The following SCN7A variants were observed in gnomAD, a reference collection of about 807,000 sequenced individuals.
The protein encoded by SCN7A is sodium voltage-gated channel alpha subunit 7, also known as sodium channel protein type 7 subunit alpha.
In SCN7A, 138 loss-of-function variants were observed where a neutral mutation model predicts 155.2. That is an observed-to-expected ratio of 0.89 (90% CI 0.77 to 1.02). SCN7A has a LOEUF of 1.02. Among genes scored for constraint, SCN7A ranks in the 50% least tolerant of loss-of-function variants. SCN7A has a pLI of 0.00. For missense variants in SCN7A, 2,058 were observed against 1,986.6 expected, an observed-to-expected ratio of 1.04 and a Z score of -0.68; for synonymous variants, 693 against 649.0, an observed-to-expected ratio of 1.07 and a Z score of -1.03.
intron 15 of SCN7A, among the ~76,000 whole-genome samples, chr2:166,434,483 C>A (rs1701797585): frequency 6.6e-6 from 1 of 152,072 alleles, no homozygotes; most frequent in Non-Finnish European, 1.5e-5. Flanking sequence ...ACAGAAAGGA[C>A]AATGATCAAA....
chr2:166,432,251 T>C, intron 16 of SCN7A, 67 bp downstream of exon 16: 1 of 1,318,968 alleles, frequency 7.6e-7, no homozygotes, highest in Non-Finnish European at 1.0e-6. Context: ...ACTTCGGCGC[T>C]GATTTACTTC....
intron 23 of SCN7A, 45 bp from the exon 24 acceptor site, chr2:166,410,369 A>C: frequency 4.4e-6 from 6 of 1,357,202 alleles, no homozygotes; most frequent in Non-Finnish European, 6.0e-6. Context: ...ACTTAATCCA[A>C]ATTTTCCCTT....
intron 2 of SCN7A, among the ~76,000 whole-genome samples, chr2:166,482,967 A>C (rs1309450561): frequency 6.6e-6 from 1 of 152,100 alleles, no homozygotes; most frequent in Non-Finnish European, 1.5e-5. Context: ...AAAAATATAG[A>C]AAGATTAATA....
chr2:166,439,474 T>C (rs1020283526), intron 15 of SCN7A, among the ~76,000 whole-genome samples: 1 of 152,088 alleles, frequency 6.6e-6, no homozygotes, highest in Non-Finnish European at 1.5e-5. Context: ...CAGAAGATAC[T>C]AGCTAGCAAA....
intron 11 of SCN7A, among the ~76,000 whole-genome samples, chr2:166,455,446 G>T (rs1056379741): frequency 6.6e-6 from 1 of 152,140 alleles, no homozygotes; most frequent in African/African-American, 2.4e-5. Flanking sequence ...CACAGGAACA[G>T]AAAACTAAAT....
intron 12 of SCN7A, among the ~76,000 whole-genome samples, chr2:166,447,028 C>T (rs1702079254): frequency 1.3e-5 from 2 of 152,136 alleles, no homozygotes; most frequent in East Asian, 1.9e-4. Flanking sequence ...TATCCCAGAA[C>T]TTAAAGTTTA....
intron 7 of SCN7A, among the ~76,000 whole-genome samples, chr2:166,467,370 A>C (rs947302940): frequency 1.3e-5 from 2 of 151,706 alleles, no homozygotes; most frequent in African/African-American, 4.8e-5. Flanking sequence ...AGTCCTTAGT[A>C]TATCTTTATA....
At chr2:166,455,463 T>A (rs1227029240) in intron 11 of SCN7A, among the ~76,000 whole-genome samples, 3 of 152,082 alleles carry the variant, frequency 2.0e-5, no homozygotes, top group Non-Finnish European at 4.4e-5. Flanking sequence ...AAATACTGCA[T>A]GTTCTCAGTT....
chr2:166,448,815 T>G (rs1171751223), intron 11 of SCN7A, among the ~76,000 whole-genome samples: 1 of 152,180 alleles, frequency 6.6e-6, no homozygotes, highest in Non-Finnish European at 1.5e-5. Flanking sequence ...TAACAGAGTA[T>G]TTTTCTAACA....
chr2:166,482,852 C>A (rs896104696), intron 2 of SCN7A, among the ~76,000 whole-genome samples: 1 of 151,704 alleles, frequency 6.6e-6, no homozygotes, highest in Admixed American at 6.6e-5. Flanking sequence ...AATTATTAAT[C>A]ATTAAATCAT....
intron 9 of SCN7A, among the ~76,000 whole-genome samples, chr2:166,463,323 G>A (rs1702454933): frequency 6.6e-6 from 1 of 151,950 alleles, no homozygotes; most frequent in Non-Finnish European, 1.5e-5. Flanking sequence ...CTCTCTCCAC[G>A]CCCTTGTGTA....
chr2:166,458,683 G>T (rs902924387), intron 10 of SCN7A, among the ~76,000 whole-genome samples: 1 of 151,960 alleles, frequency 6.6e-6, no homozygotes, highest in African/African-American at 2.4e-5. Context: ...CAAATACTTG[G>T]CACAGTGTTC....
chr2:166,437,992 T>C (rs1181262571), intron 15 of SCN7A, among the ~76,000 whole-genome samples: 2 of 152,122 alleles, frequency 1.3e-5, no homozygotes, highest in Non-Finnish European at 2.9e-5. Flanking sequence ...ATTAAGACTT[T>C]GGGGGACTTT....
At position 166,413,981 on chromosome 2, in the gene SCN7A, GTATA is replaced by G. The variant is rs556351441; in HGVS notation, c.3415-864_3415-861del. On this transcript the variant is annotated intron_variant, in intron 21 of 25. Transcript: ENST00000643258. ...CCCCTTTATATATATATGTGTATGT[GTATA>G]TATATATATATATATATAAATATAC... 1.4e-3 allele frequency among the ~76,000 whole-genome samples: 74 copies of G among 53,498 alleles called. 4 individuals carry two copies. Among genetic ancestry groups the G allele is most frequent in the Admixed American group, 2.8e-3 (10 of 3,540 alleles). 35.1% of individuals were successfully genotyped at this position (53,498 alleles called of 152,430 possible).
chr2:166,441,376 T>C lies in SCN7A; in HGVS notation c.2157+20A>G. On this transcript the variant is annotated intron_variant, in intron 15 of 25. Coordinates refer to ENST00000643258, the MANE Select transcript of SCN7A (RefSeq NM_002976.4). The stretch of plus-strand genomic sequence containing the variant: ...CTTATACCAGTTTTCATGGAAAATG[T>C]AAAAGAATTGACTACTTACCAGTAA... 1 of 1,512,442 alleles carries C rather than the reference T, an allele frequency of 6.6e-7. No homozygotes were observed. Among genetic ancestry groups the C allele is most frequent in the Non-Finnish European group, 9.0e-7 (1 of 1,117,094 alleles). The allele number at this position is 1,512,442 out of a possible 1,614,324, so 93.7% of individuals were successfully genotyped here.
At chr2:166,456,803 AATATATATAT>A (rs61576399) in intron 11 of SCN7A, 57 bp downstream of exon 11, 56,134 of 502,238 alleles carry the variant, frequency 0.11, 3,533 homozygotes, top group East Asian at 0.22. Flanking sequence ...TCAAGACTAA[AATATATATAT>A]ATATATATAT....
intron 9 of SCN7A, 46 bp from the exon 10 acceptor site, chr2:166,462,576 C>G (rs1702439008): frequency 6.4e-7 from 1 of 1,572,884 alleles, no homozygotes; most frequent in Non-Finnish European, 8.7e-7. Context: ...AGGTGACTAT[C>G]AGATTATGGT....
chr2:166,455,821 G>T, intron 11 of SCN7A, among the ~76,000 whole-genome samples: 1 of 152,166 alleles, frequency 6.6e-6, no homozygotes, highest in Non-Finnish European at 1.5e-5. Flanking sequence ...TTTTGCCACT[G>T]ATTCTGTTTA....
At chr2:166,417,338 T>C (rs1054590728) in intron 20 of SCN7A, among the ~76,000 whole-genome samples, 3 of 152,054 alleles carry the variant, frequency 2.0e-5, no homozygotes, top group African/African-American at 7.2e-5. Flanking sequence ...CCAGGTGTGG[T>C]GGCGGACACC....
Sources: allele counts gnomAD v4.1 joint callset (sites outside exome capture counted in the v4.1 genomes callset), GRCh38; gene constraint gnomAD v4.1.1; transcripts MANE v1.5; gene names NCBI Gene and HGNC (gene_info 2026-07-23, HGNC 2026-07-21).